The following PRKCH variants were observed in gnomAD, a reference collection of about 807,000 sequenced individuals.
The protein encoded by PRKCH is protein kinase C eta.
A neutral mutation model predicts 82.5 loss-of-function variants in PRKCH; 28 were observed. The observed-to-expected ratio is 0.34, with a 90% CI of 0.25 to 0.47. The LOEUF is 0.47. Ranked by LOEUF, PRKCH falls within the 20% of genes least tolerant of loss-of-function variation. The pLI is 1.00. For synonymous variants in PRKCH, 322 were observed against 327.4 expected, an observed-to-expected ratio of 0.98 and a Z score of 0.18; for missense variants, 705 against 881.8, an observed-to-expected ratio of 0.80 and a Z score of 2.54.
At chr14:61,376,343 C>T (rs931843894) in intron 1 of PRKCH, among the ~76,000 whole-genome samples, 4 of 152,166 alleles carry the variant, frequency 2.6e-5, no homozygotes, top group African/African-American at 4.8e-5. Flanking sequence ...GGTCAGTCAG[C>T]TGTCTTGTGG....
chr14:61,278,456 T>C (rs2140090403), intron 1 of PRKCH: 2 of 152,382 alleles, frequency 1.3e-5, no homozygotes, highest in East Asian at 3.9e-4. Context: ...ACATTGTCCA[T>C]GTTCAGTAAT....
intron 9 of PRKCH, among the ~76,000 whole-genome samples, chr14:61,474,051 G>T (rs1447087853): frequency 6.6e-6 from 1 of 151,976 alleles, no homozygotes; most frequent in Non-Finnish European, 1.5e-5. Context: ...GAAGAGAGGA[G>T]ACTTGAAGAA....
rs1394624975 is a variant in PRKCH at position 61,280,813 on chromosome 14, T to C, written c.-19+93145T>C. 1.4e-5 allele frequency: 22 copies of C among 1,563,974 alleles called. No individual in the cohort carries two copies. Among genetic ancestry groups the C allele is most frequent in the Non-Finnish European group, 1.9e-5 (22 of 1,164,080 alleles). On this transcript the variant is annotated intron_variant, in intron 1 of 3. Transcript: ENST00000555185. The surrounding 1 kb of genome is among the most constrained non-coding windows in gnomAD (Gnocchi z 5.0). Reference sequence around the variant, plus strand: ...GTTCTGGTAGAAGTTGGTCAGCTCGTAGTAGAGGTACACTGGGCCCTGGAA... The same window carrying C: ...GTTCTGGTAGAAGTTGGTCAGCTCGCAGTAGAGGTACACTGGGCCCTGGAA...
chr14:61,294,874 C>A (rs868192030), intron 1 of PRKCH, among the ~76,000 whole-genome samples: 1 of 152,048 alleles, frequency 6.6e-6, no homozygotes, highest in African/African-American at 2.4e-5. Flanking sequence ...TACCTATCTT[C>A]TTTTTTTGTT....
At chr14:61,188,807 G>A (rs1370123404) in intron 1 of PRKCH, among the ~76,000 whole-genome samples, 1 of 150,686 alleles carries the variant, frequency 6.6e-6, no homozygotes, top group Non-Finnish European at 1.5e-5. Context: ...TGCAACCTCC[G>A]CCTCCGGGTT....
At chr14:61,247,087 C>T (rs1273375642) in intron 1 of PRKCH, among the ~76,000 whole-genome samples, 1 of 152,186 alleles carries the variant, frequency 6.6e-6, no homozygotes, top group East Asian at 1.9e-4. Flanking sequence ...TCATCTCCCA[C>T]CTTCACTGGG....
In PRKCH at chr14:61,209,781, G is replaced by A. The variant is rs558261160; in HGVS notation, c.-19+22113G>A. On this transcript the variant is annotated intron_variant, in intron 1 of 3. Coordinates refer to the PRKCH transcript ENST00000555185. ...AAATGTTGAACATTGTACCCAACAG[G>A]TAATTTTTGAGCCATCATCCCCCTG... is the stretch of plus-strand genomic sequence containing the variant. Among the ~76,000 whole-genome samples the A allele has an allele frequency of 1.2e-4, 18 of 152,116 alleles. 1 individual carries two copies. In the East Asian group the frequency reaches 3.5e-3, roughly 29 times the overall value.
chr14:61,346,279 A>T (rs2045991365), intron 1 of PRKCH, among the ~76,000 whole-genome samples: 1 of 152,148 alleles, frequency 6.6e-6, no homozygotes, highest in Admixed American at 6.5e-5. Flanking sequence ...ATCTCCCCTT[A>T]AACATTGTGC....
chr14:61,204,735 T>C (rs1355819870), intron 1 of PRKCH, among the ~76,000 whole-genome samples: 4 of 144,850 alleles, frequency 2.8e-5, no homozygotes, highest in Non-Finnish European at 4.5e-5. Flanking sequence ...CACTCTAGCC[T>C]GGACAATAGA....
intron 11 of PRKCH, 81 bp from the exon 12 acceptor site, chr14:61,530,326 G>A (rs1223268264): frequency 2.2e-6 from 3 of 1,347,384 alleles, no homozygotes; most frequent in Admixed American, 2.7e-5. Context: ...ATTTCCTAAT[G>A]CATCAATTTC....
chr14:61,224,315 A>G (rs1175624303), intron 1 of PRKCH, among the ~76,000 whole-genome samples: 1 of 152,196 alleles, frequency 6.6e-6, no homozygotes, highest in African/African-American at 2.4e-5. Flanking sequence ...TTATTATCTT[A>G]TATGGTCATT....
At chr14:61,460,910 G>T (rs1294740026) in intron 9 of PRKCH, among the ~76,000 whole-genome samples, 3 of 152,178 alleles carry the variant, frequency 2.0e-5, no homozygotes, top group Admixed American at 6.5e-5. Flanking sequence ...ATCTGTGTTG[G>T]GAGGGCCACA....
intron 2 of PRKCH, among the ~76,000 whole-genome samples, chr14:61,399,410 T>C (rs930901507): frequency 6.6e-6 from 1 of 152,234 alleles, no homozygotes; most frequent in East Asian, 1.9e-4. Flanking sequence ...TTAATGTATA[T>C]GTTTTATCCA....
At chr14:61,490,605 C>T (rs1886411698) in intron 10 of PRKCH, among the ~76,000 whole-genome samples, 1 of 152,156 alleles carries the variant, frequency 6.6e-6, no homozygotes, top group African/African-American at 2.4e-5. Flanking sequence ...CACAAGTGAT[C>T]CGTTTCCAAA....
At chr14:61,248,890 C>T (rs558285933) in intron 1 of PRKCH, among the ~76,000 whole-genome samples, 4 of 152,076 alleles carry the variant, frequency 2.6e-5, no homozygotes, top group Admixed American at 2.0e-4. Flanking sequence ...CAACCTCTGC[C>T]TCCCGGATTC....
chr14:61,295,053 G>A (rs1208516975), intron 1 of PRKCH, among the ~76,000 whole-genome samples: 1 of 152,008 alleles, frequency 6.6e-6, no homozygotes, highest in Non-Finnish European at 1.5e-5. Context: ...TTTTAGTAGA[G>A]ACAGGTTTTG....
intron 1 of PRKCH, among the ~76,000 whole-genome samples, chr14:61,373,850 G>T (rs1312789792): frequency 6.6e-6 from 1 of 152,104 alleles, no homozygotes; most frequent in Non-Finnish European, 1.5e-5. Flanking sequence ...TGATCTGCCT[G>T]CCTTGGCCTC....
chr14:61,259,204 A>G (rs746027470), intron 1 of PRKCH, among the ~76,000 whole-genome samples: 1 of 152,190 alleles, frequency 6.6e-6, no homozygotes, highest in Non-Finnish European at 1.5e-5. Flanking sequence ...ACAAATGACT[A>G]AGTACCAAAA....
rs56406998 is a variant in PRKCH at position 61,352,689 on chromosome 14, GGAAAGAAAGAAAGAAAGAAAGAAA to G, written c.363+30256_363+30279del. 1.0e-4 allele frequency among the ~76,000 whole-genome samples: 13 copies of G among 126,546 alleles called. No homozygotes were observed. The South Asian group carries it at 1.1e-3, about 11-fold the overall frequency. The allele number at this position is 126,546 out of a possible 152,430, so 83.0% of individuals were successfully genotyped here. A position where few individuals can be genotyped will look rare whatever the true frequency, so the allele number is the denominator to read the frequency against. The stretch of plus-strand genomic sequence containing the variant: ...GAGAGAGAGAGAGAGAGAAAGGAAA[GGAAAGAAAGAAAGAAAGAAAGAAA>G]GAAAGAAAGAAAGAAAGAAAGAAAG... On this transcript the variant is annotated intron_variant, in intron 1 of 13. Coordinates refer to ENST00000332981, the MANE Select transcript of PRKCH (RefSeq NM_006255.5).
Sources: allele counts gnomAD v4.1 joint callset (sites outside exome capture counted in the v4.1 genomes callset), GRCh38; gene constraint gnomAD v4.1.1; non-coding constraint Gnocchi (gnomAD v3.1); transcripts MANE v1.5; gene names NCBI Gene and HGNC (gene_info 2026-07-23, HGNC 2026-07-21).